The following METTL18 variants were observed in gnomAD, a reference collection of about 807,000 sequenced individuals.
The protein encoded by METTL18 is histidine protein methyltransferase 1 homolog.
In METTL18, 15 loss-of-function variants were observed where a neutral mutation model predicts 19.6. The observed-to-expected ratio is 0.77, with a 90% CI of 0.51 to 1.18. METTL18 has a LOEUF of 1.18. METTL18 is among the 50% of genes most tolerant of loss of function. The pLI is 0.00. For synonymous variants in METTL18, 131 were observed against 145.2 expected (o/e 0.90, Z 0.70); for missense variants, 392 against 418.8 (o/e 0.94, Z 0.56).
chr1:169,794,241 T>A (rs895449880), intron 1 of METTL18, among the ~76,000 whole-genome samples: 3 of 152,228 alleles, frequency 2.0e-5, no homozygotes, highest in Admixed American at 6.5e-5. Context: ...TGTCCAACCA[T>A]ATTCACCCCC....
rs373818178 is a variant in METTL18 at position 169,792,792 on chromosome 1, A to G, written c.904T>C (p.Tyr302His). The G allele has an allele frequency of 2.5e-5, 41 of 1,612,978 alleles. No homozygotes were observed. Among genetic ancestry groups the G allele is most frequent in the Admixed American group, 5.0e-5 (3 of 59,836 alleles). The change falls in exon 2 of 2, where the codon TAT (tyrosine) becomes CAT (histidine). Residue 302 changes from tyrosine to histidine, a missense_variant. Tyr to His is a moderately conservative substitution (Grantham distance 83). Coordinates refer to ENST00000310392, the MANE Select transcript of METTL18 (RefSeq NM_033418.4). ...AGGAAAGTCTGGTGCAAATTACTAT[A>G]ATAATCTGGGTTGTAAATGGTTTCT... ...TSETIYNPDY[Y>H]SNLHQTFLRL...
chr1:169,793,173 G>A lies in METTL18; in HGVS notation c.523C>T (p.Leu175Phe), dbSNP rs1650200458. ...TTGGCCTTTGTGAAATAAGCCAGGA[G>A]GTCAAAGGTACATTCCCAGATTTTT... The part of the protein sequence containing the change: ...GLKIWECTFD[L>F]LAYFTKAKVK... Residue 175 changes from leucine (L) to phenylalanine (F), a missense_variant, in exon 2 of 2, where the codon CTC becomes TTC. Physicochemically the swap from Leu to Phe is conservative, Grantham distance 22 (BLOSUM62 0). Coordinates refer to ENST00000310392, the MANE Select transcript of METTL18 (RefSeq NM_033418.4). 2.5e-6 allele frequency: 4 copies of A among 1,614,126 alleles called. No homozygotes were observed. The highest frequency in any genetic ancestry group is 3.4e-6 in the Non-Finnish European group (4 of 1,180,024).
Position 169,792,927 on chromosome 1 carries a change from C to A in METTL18, c.769G>T (p.Val257Leu), listed in dbSNP as rs1650178821. The change falls in exon 2 of 2, where the codon GTA becomes TTA. Residue 257 changes from valine (V) to leucine (L), a missense_variant. Coordinates refer to ENST00000310392, the MANE Select transcript of METTL18 (RefSeq NM_033418.4). ...AATCGGCATTTATATAGTTGTGTTA[C>A]TTTTGGTTTCCTGCATCTTTTCACA... Reference protein sequence around the residue: ...PDVKRCRKPKVTQLYKCRFFS... With the variant: ...PDVKRCRKPKLTQLYKCRFFS... The A allele has an allele frequency of 1.2e-6, 2 of 1,614,066 alleles. No individual in the cohort carries two copies. The highest frequency in any genetic ancestry group is 1.1e-5 in the South Asian group (1 of 91,074).
chr1:169,793,712 C>T lies in METTL18; in HGVS notation c.-17G>A, dbSNP rs1214386786. ...AAAGGTCATCCTCTTATTAAATGCA[C>T]ACAATCTTTAAATTCAGATTCTTCA... On this transcript the variant is annotated 5_prime_UTR_variant, in exon 2 of 2. It adds an upstream start codon to the 5' untranslated region. Coordinates refer to ENST00000310392, the MANE Select transcript of METTL18 (RefSeq NM_033418.4). The T allele has an allele frequency of 1.3e-6, 2 of 1,546,052 alleles. No homozygotes were observed. Among genetic ancestry groups the T allele is most frequent in the Non-Finnish European group, 8.7e-7 (1 of 1,147,680 alleles).
rs775783631 is a variant in METTL18, at chr1:169,793,507, A to C, written c.189T>G (p.His63Gln). 23 of 1,613,958 alleles carry C rather than the reference A, an allele frequency of 1.4e-5. No individual in the cohort carries two copies. Among genetic ancestry groups the C allele is most frequent in the East Asian group, 6.7e-5 (3 of 44,886 alleles). The part of the protein sequence containing the change: ...FDLPQDHLWE[H>Q]KSMENAAPSQ... ...AGGGAGCTGCATTTTCCATTGACTT[A>C]TGTTCCCACAAGTGATCCTGAGGCA... Residue 63 changes from histidine (H) to glutamine (Q), a missense_variant, in exon 2 of 2, where the codon CAT (histidine) becomes CAG (glutamine). Physicochemically the swap from His to Gln is conservative, Grantham distance 24. Coordinates refer to ENST00000310392, the MANE Select transcript of METTL18 (RefSeq NM_033418.4).
chr1:169,793,600 C>G lies in METTL18; in HGVS notation c.96G>C (p.Glu32Asp), dbSNP rs1650254230. ...DGALTLDSSK[E>D]LSVSESQKGE... ...CTTTTTGACTTTCTGAGACTGACAG[C>G]TCTTTTGAGGAATCCAGGGTCAAAG... is the stretch of plus-strand genomic sequence containing the variant. The change falls in exon 2 of 2, where the codon GAG (glutamate) becomes GAC (aspartate). Residue 32 changes from glutamate (E) to aspartate (D), a missense_variant. By Grantham distance (45) the Glu-to-Asp change is conservative (BLOSUM62 2). Transcript: ENST00000310392. The G allele has an allele frequency of 6.2e-7, 1 of 1,614,158 alleles. No homozygotes were observed. Among genetic ancestry groups the G allele is most frequent in the East Asian group, 2.2e-5 (1 of 44,878 alleles).
Position 169,792,791 on chromosome 1 carries a change from T to C in METTL18, c.905A>G (p.Tyr302Cys), listed in dbSNP as rs143401859. Residue 302 changes from tyrosine to cysteine, a missense_variant, in exon 2 of 2, where the codon TAT (tyrosine) becomes TGT (cysteine). Coordinates refer to ENST00000310392, the MANE Select transcript of METTL18 (RefSeq NM_033418.4). The stretch of plus-strand genomic sequence containing the variant: ...AAGGAAAGTCTGGTGCAAATTACTA[T>C]AATAATCTGGGTTGTAAATGGTTTC... Reference protein sequence around the residue: ...TSETIYNPDYYSNLHQTFLRL... With the variant: ...TSETIYNPDYCSNLHQTFLRL... The C allele has an allele frequency of 8.1e-6, 13 of 1,612,902 alleles. No individual in the cohort carries two copies. The highest frequency in any genetic ancestry group is 1.7e-5 in the Admixed American group (1 of 59,808).
Position 169,793,716 on chromosome 1 carries a change from A to G in METTL18, c.-21T>C, listed in dbSNP as rs375981531. On this transcript the variant is annotated 5_prime_UTR_variant, in exon 2 of 2. Transcript: ENST00000310392. ...GTCATCCTCTTATTAAATGCACACA[A>G]TCTTTAAATTCAGATTCTTCAACTT... is the stretch of plus-strand genomic sequence containing the variant. The G allele has an allele frequency of 4.5e-6, 7 of 1,540,988 alleles. No individual in the cohort carries two copies. In the African/African-American group the frequency reaches 9.7e-5, roughly 21 times the overall value.
Position 169,792,785 on chromosome 1 carries a change from T to C in METTL18, c.911A>G (p.Asn304Ser). 2 of 1,612,858 alleles carry C rather than the reference T, an allele frequency of 1.2e-6. No homozygotes were observed. Among genetic ancestry groups the C allele is most frequent in the Non-Finnish European group, 1.7e-6 (2 of 1,179,716 alleles). The change falls in exon 2 of 2, where the codon AAT (asparagine) becomes AGT (serine). Residue 304 changes from asparagine (N) to serine (S), a missense_variant. Physicochemically the swap from Asn to Ser is conservative, Grantham distance 46. Coordinates refer to ENST00000310392, the MANE Select transcript of METTL18 (RefSeq NM_033418.4). Reference sequence around the variant, plus strand: ...CAGTCTAAGGAAAGTCTGGTGCAAATTACTATAATAATCTGGGTTGTAAAT... The same window carrying C: ...CAGTCTAAGGAAAGTCTGGTGCAAACTACTATAATAATCTGGGTTGTAAAT... Reference protein sequence around the residue: ...ETIYNPDYYSNLHQTFLRLLS... With the variant: ...ETIYNPDYYSSLHQTFLRLLS...
rs1174844660 is a variant in METTL18 at position 169,793,553 on chromosome 1, C to T, written c.143G>A (p.Cys48Tyr). Residue 48 changes from cysteine to tyrosine, a missense_variant, in exon 2 of 2, where the codon TGT (cysteine) becomes TAT (tyrosine). Cys to Tyr is a radical substitution (Grantham distance 194). Coordinates refer to ENST00000310392, the MANE Select transcript of METTL18 (RefSeq NM_033418.4). ...AGGCAAGTCAAATTGTTCTGCAGAA[C>T]ATTTTCTGTCCCTCTCTTCTCCTTT... ...SQKGEERDRKCSAEQFDLPQD... is the reference protein window; with the variant it reads ...SQKGEERDRKYSAEQFDLPQD... The T allele has an allele frequency of 2.5e-6, 4 of 1,614,188 alleles. No individual in the cohort carries two copies. Among genetic ancestry groups the T allele is most frequent in the Middle Eastern group, 1.6e-4 (1 of 6,062 alleles).
At position 169,793,168 on chromosome 1, in the gene METTL18, CAGG is replaced by C. The variant is rs768267283; in HGVS notation, c.525_527del (p.Leu176del). ...TCACTTTGGCCTTTGTGAAATAAGC[CAGG>C]AGGTCAAAGGTACATTCCCAGATTT... On this transcript the variant is annotated inframe_deletion, in exon 2 of 2. Transcript: ENST00000310392. The C allele has an allele frequency of 6.8e-6, 11 of 1,614,154 alleles. No homozygotes were observed. Among genetic ancestry groups the C allele is most frequent in the South Asian group, 2.2e-5 (2 of 91,086 alleles).
chr1:169,792,719 T>C lies in METTL18; in HGVS notation c.977A>G (p.His326Arg), dbSNP rs1321202301. The C allele has an allele frequency of 6.2e-6, 10 of 1,613,784 alleles. No individual in the cohort carries two copies. Among genetic ancestry groups the C allele is most frequent in the Non-Finnish European group, 8.5e-6 (10 of 1,179,970 alleles). ...AACACCTCCACCTACACCAAAATAA[T>C]GTGCTTTGCTGGCCAAAAGTACACG... ...NGRVLLASKAHYFGVGGGVHL... is the reference protein window; with the variant it reads ...NGRVLLASKARYFGVGGGVHL... The change falls in exon 2 of 2, where the codon CAT becomes CGT. Residue 326 changes from histidine to arginine, a missense_variant. Transcript: ENST00000310392.
In METTL18 at chr1:169,793,072, T is replaced by G; in HGVS notation, c.624A>C (p.Gly208=). The change falls in exon 2 of 2, where the codon GGA becomes GGC. Residue 208 remains glycine, a synonymous_variant. Coordinates refer to ENST00000310392, the MANE Select transcript of METTL18 (RefSeq NM_033418.4). ...CTTGAAAGTGAATTTCTTTGGACCC[T>G]CCCTTGAATGCAGTTATACCTAGTA... ...SGLLGITAFK[G]GSKEIHFQDY... The G allele has an allele frequency of 6.2e-7, 1 of 1,614,160 alleles. No homozygotes were observed. Among genetic ancestry groups the G allele is most frequent in the Non-Finnish European group, 8.5e-7 (1 of 1,180,014 alleles).
rs751812491 is a variant in METTL18 at position 169,792,585 on chromosome 1, G to C, written c.1111C>G (p.Pro371Ala). The change falls in exon 2 of 2, where the codon CCT (proline) becomes GCT (alanine). Residue 371 changes from proline to alanine, a missense_variant. Pro to Ala is a conservative substitution (Grantham distance 27). Coordinates refer to ENST00000310392, the MANE Select transcript of METTL18 (RefSeq NM_033418.4). The part of the protein sequence containing the change: ...RFIIEITFKF[P>A]G Reference sequence around the variant, plus strand: ...TACTCAGTGAATGTTAATTAACCAGGAAACTTAAAAGTTATTTCAATTATG... The same window carrying C: ...TACTCAGTGAATGTTAATTAACCAGCAAACTTAAAAGTTATTTCAATTATG... 1.8e-4 allele frequency: 283 copies of C among 1,531,754 alleles called. No homozygotes were observed. Among genetic ancestry groups the C allele is most frequent in the Non-Finnish European group, 2.4e-4 (274 of 1,144,548 alleles). 94.9% of individuals were successfully genotyped at this position (1,531,754 alleles called of 1,614,324 possible). A position where few individuals can be genotyped will look rare whatever the true frequency, so the allele number is the denominator to read the frequency against.
In METTL18 at chr1:169,793,453, T is replaced by G; in HGVS notation, c.243A>C (p.Ala81=). 6.2e-7 allele frequency: 1 copy of G among 1,614,254 alleles called. No homozygotes were observed. Among genetic ancestry groups the G allele is most frequent in the South Asian group, 1.1e-5 (1 of 91,086 alleles). Residue 81 remains alanine (A), a synonymous_variant, in exon 2 of 2, where the codon GCA becomes GCC. Transcript: ENST00000310392. The part of the protein sequence containing the change: ...PSQDTDSPLS[A]ASSSRNLEPH... ...GCTCCAAGTTCCTTGAACTGCTGGCTGCACTGAGTGGACTGTCTGTGTCTT... is the reference window on the plus strand; with the variant it reads ...GCTCCAAGTTCCTTGAACTGCTGGCGGCACTGAGTGGACTGTCTGTGTCTT...
rs1397567582 is a variant in METTL18, at chr1:169,793,000, T to G, written c.696A>C (p.Val232=). The change falls in exon 2 of 2, where the codon GTA becomes GTC. Residue 232 remains valine, a synonymous_variant. Coordinates refer to ENST00000310392, the MANE Select transcript of METTL18 (RefSeq NM_033418.4). ...CTTCATCTTCCAAAGTGGAGTTAGC[T>G]ACTACATTAGGTAAGGTTACTTCAT... ...VIDEVTLPNV[V]ANSTLEDEEN... is the part of the protein sequence containing the mutation. 3 of 1,614,122 alleles carry G rather than the reference T, an allele frequency of 1.9e-6. No homozygotes were observed. The highest frequency in any genetic ancestry group is 1.7e-6 in the Non-Finnish European group (2 of 1,179,990).
In METTL18 at chr1:169,793,171, G is replaced by C. The variant is rs780854980; in HGVS notation, c.525C>G (p.Leu175=). 2 of 1,613,982 alleles carry C rather than the reference G, an allele frequency of 1.2e-6. No individual in the cohort carries two copies. The highest frequency in any genetic ancestry group is 1.3e-5 in the African/African-American group (1 of 74,886). Residue 175 remains leucine, a synonymous_variant, in exon 2 of 2, where the codon CTC becomes CTG. Coordinates refer to ENST00000310392, the MANE Select transcript of METTL18 (RefSeq NM_033418.4). The part of the protein sequence containing the change: ...GLKIWECTFD[L]LAYFTKAKVK... ...CTTTGGCCTTTGTGAAATAAGCCAGGAGGTCAAAGGTACATTCCCAGATTT... is the reference window on the plus strand; with the variant it reads ...CTTTGGCCTTTGTGAAATAAGCCAGCAGGTCAAAGGTACATTCCCAGATTT...
Position 169,792,671 on chromosome 1 carries a change from T to C in METTL18, c.1025A>G (p.Glu342Gly). ...GGVHLFQKFVEERDVFKTRIL... is the reference protein window; with the variant it reads ...GGVHLFQKFVGERDVFKTRIL... Reference sequence around the variant, plus strand: ...TCTGGTCTTAAAAACATCTCTTTCTTCTACAAACTTCTGAAAGAGATGAAC... The same window carrying C: ...TCTGGTCTTAAAAACATCTCTTTCTCCTACAAACTTCTGAAAGAGATGAAC... The change falls in exon 2 of 2, where the codon GAA becomes GGA. Residue 342 changes from glutamate (E) to glycine (G), a missense_variant. Physicochemically the swap from Glu to Gly is moderately conservative, Grantham distance 98. Coordinates refer to ENST00000310392, the MANE Select transcript of METTL18 (RefSeq NM_033418.4). The C allele has an allele frequency of 1.2e-6, 2 of 1,613,026 alleles. No individual in the cohort carries two copies. The highest frequency in any genetic ancestry group is 2.2e-5 in the South Asian group (2 of 90,604).
In METTL18 at chr1:169,793,698, T is replaced by G. The variant is rs751530290; in HGVS notation, c.-3A>C. The G allele has an allele frequency of 1.3e-6, 2 of 1,567,806 alleles. No homozygotes were observed. Among genetic ancestry groups the G allele is most frequent in the South Asian group, 2.4e-5 (2 of 83,602 alleles). On this transcript the variant is annotated 5_prime_UTR_variant, in exon 2 of 2. Coordinates refer to ENST00000310392, the MANE Select transcript of METTL18 (RefSeq NM_033418.4). ...GTGAAATTAAACTGAAAGGTCATCC[T>G]CTTATTAAATGCACACAATCTTTAA...
Sources: gnomAD v4.1 joint callset for allele counts (sites outside exome capture counted in the v4.1 genomes callset) on GRCh38, gnomAD v4.1.1 for gene constraint, MANE v1.5 for transcripts, NCBI Gene and HGNC (gene_info 2026-07-23, HGNC 2026-07-21) for gene names.